The following PTPRD variants were observed in gnomAD, a reference collection of about 807,000 sequenced individuals.
The protein encoded by PTPRD is receptor-type tyrosine-protein phosphatase delta.
PTPRD carries 34 observed loss-of-function variants against 214.5 expected under a neutral mutation model. The ratio of observed to expected loss-of-function variants is 0.16; its 90% confidence interval spans 0.12 to 0.21. The LOEUF (loss-of-function observed/expected upper bound fraction) is 0.21, where lower values mean the gene tolerates loss of function less well. Ranked by LOEUF, PTPRD falls within the 10% of genes least tolerant of loss-of-function variation. PTPRD has a pLI of 1.00. For synonymous variants in PTPRD, 1,128 were observed against 845.7 expected, an observed-to-expected ratio of 1.33 and a Z score of -5.79; for missense variants, 2,545 against 2,398.7, an observed-to-expected ratio of 1.06 and a Z score of -1.27.
chr9:8,683,169 C>T (rs2097584948), intron 12 of PTPRD, among the ~76,000 whole-genome samples: 1 of 152,094 alleles, frequency 6.6e-6, no homozygotes, highest in Non-Finnish European at 1.5e-5. Flanking sequence ...CTTTTGAGTG[C>T]CACACACAAA....
At chr9:9,454,640 G>A (rs2092729308) in intron 8 of PTPRD, among the ~76,000 whole-genome samples, 1 of 151,560 alleles carries the variant, frequency 6.6e-6, no homozygotes, top group Non-Finnish European at 1.5e-5. Context: ...ACCAAGAACA[G>A]CATACTTTAC....
intron 3 of PTPRD, among the ~76,000 whole-genome samples, chr9:10,124,118 G>T (rs2098797444): frequency 6.6e-6 from 1 of 152,160 alleles, no homozygotes; most frequent in Non-Finnish European, 1.5e-5. Flanking sequence ...CATTTACTCA[G>T]TTGAGGAACC....
intron 3 of PTPRD, among the ~76,000 whole-genome samples, chr9:10,125,452 T>G (rs1021995041): frequency 3.1e-5 from 4 of 128,046 alleles, no homozygotes; most frequent in Non-Finnish European, 6.7e-5. Flanking sequence ...TTATTATTAT[T>G]ATTATTATTA....
At chr9:9,013,058 C>T (rs528059743) in intron 11 of PTPRD, among the ~76,000 whole-genome samples, 1 of 152,230 alleles carries the variant, frequency 6.6e-6, no homozygotes, top group African/African-American at 2.4e-5. Context: ...GGGGGGGATG[C>T]AGATAGCACA....
intron 3 of PTPRD, among the ~76,000 whole-genome samples, chr9:10,208,375 G>A (rs10958946): frequency 0.065 from 9,878 of 152,014 alleles, 831 homozygotes; most frequent in East Asian, 0.35. Context: ...TTAGCCGGGC[G>A]TGGTGGCGGG....
chr9:10,095,717 A>G (rs960444196), intron 3 of PTPRD, among the ~76,000 whole-genome samples: 2 of 151,594 alleles, frequency 1.3e-5, no homozygotes, highest in Admixed American at 6.6e-5. Flanking sequence ...AATTAGCCAT[A>G]ATTACTCTTT....
At chr9:9,677,320 G>A (rs189727934) in intron 7 of PTPRD, among the ~76,000 whole-genome samples, 94 of 152,068 alleles carry the variant, frequency 6.2e-4, no homozygotes, top group African/African-American at 2.1e-3. Flanking sequence ...GTGTAAGGAA[G>A]GGATCCAGTT....
chr9:10,299,488 G>C (rs1289013522), intron 3 of PTPRD, among the ~76,000 whole-genome samples: 3 of 152,168 alleles, frequency 2.0e-5, no homozygotes, highest in Non-Finnish European at 2.9e-5. Flanking sequence ...TGGAGACCTT[G>C]AATGTGCAGA....
At chr9:9,364,473 A>G (rs536143099) in intron 9 of PTPRD, among the ~76,000 whole-genome samples, 8 of 151,598 alleles carry the variant, frequency 5.3e-5, no homozygotes, top group African/African-American at 1.9e-4. Context: ...GGAAGGCCAT[A>G]TTAGAAGGTG....
At chr9:8,624,209 T>C (rs545608047) in intron 14 of PTPRD, among the ~76,000 whole-genome samples, 1 of 151,922 alleles carries the variant, frequency 6.6e-6, no homozygotes, top group South Asian at 2.1e-4. Context: ...AGCACAAATG[T>C]AACAGGGGGA....
intron 2 of PTPRD, among the ~76,000 whole-genome samples, chr9:10,491,118 C>T (rs946752564): frequency 6.6e-6 from 1 of 152,112 alleles, no homozygotes; most frequent in Non-Finnish European, 1.5e-5. Flanking sequence ...CCGCTATAAG[C>T]ATATCCAGGA....
At chr9:10,553,475 G>C (rs1590763823) in intron 2 of PTPRD, among the ~76,000 whole-genome samples, 1 of 151,676 alleles carries the variant, frequency 6.6e-6, no homozygotes, top group African/African-American at 2.4e-5. Flanking sequence ...GCTATAACTT[G>C]TTTGTTATGT....
At position 8,526,608 on chromosome 9, in the gene PTPRD, G is replaced by C. The variant is rs745460597; in HGVS notation, c.568+19C>G. ...GAATGAGTAAGATCATTCTGTGAAC[G>C]TTAGTTCAGCACTCTTACCTCTTAT... is the stretch of plus-strand genomic sequence containing the variant. On this transcript the variant is annotated intron_variant, in intron 17 of 45. Coordinates refer to ENST00000381196, the MANE Select transcript of PTPRD (RefSeq NM_002839.4). The C allele has an allele frequency of 1.3e-6, 2 of 1,568,788 alleles. No individual in the cohort carries two copies. The highest frequency in any genetic ancestry group is 1.8e-5 in the Admixed American group (1 of 54,726).
intron 3 of PTPRD, among the ~76,000 whole-genome samples, chr9:10,332,020 T>C (rs7851832): frequency 0.016 from 2,467 of 151,932 alleles, 53 homozygotes; most frequent in African/African-American, 0.056. Context: ...CAATAAGACA[T>C]GCAAACAGAA....
intron 11 of PTPRD, among the ~76,000 whole-genome samples, chr9:8,737,051 T>C (rs2090613923): frequency 1.3e-5 from 2 of 152,132 alleles, no homozygotes; most frequent in Admixed American, 1.3e-4. Flanking sequence ...ACATAATGAC[T>C]CCGTGTGATC....
chr9:9,118,464 A>G (rs2099814428), intron 10 of PTPRD, among the ~76,000 whole-genome samples: 2 of 152,164 alleles, frequency 1.3e-5, no homozygotes, highest in Non-Finnish European at 2.9e-5. Context: ...CTTTTTAGTC[A>G]CACACTGGCT....
At chr9:9,685,993 C>T (rs974744285) in intron 7 of PTPRD, among the ~76,000 whole-genome samples, 2 of 151,222 alleles carry the variant, frequency 1.3e-5, no homozygotes, top group East Asian at 1.9e-4. Context: ...AAAAAATCTT[C>T]CTGACAATCT....
rs532054163 is a variant in PTPRD, at chr9:9,412,142, C to CT, written c.-236-14661dup. Among the ~76,000 whole-genome samples the CT allele has an allele frequency of 2.0e-5, 3 of 152,092 alleles. No individual in the cohort carries two copies. In the South Asian group the frequency reaches 6.2e-4, roughly 32 times the overall value. On this transcript the variant is annotated intron_variant, in intron 8 of 45. Coordinates refer to ENST00000381196, the MANE Select transcript of PTPRD (RefSeq NM_002839.4). ...CCAAATCATATATAGCACTTTTTTT[C>CT]TTTTCTTTTCTTTTTTTGGCCAGAA...
At chr9:9,881,910 A>G (rs1330695330) in intron 5 of PTPRD, among the ~76,000 whole-genome samples, 1 of 152,100 alleles carries the variant, frequency 6.6e-6, no homozygotes, top group Non-Finnish European at 1.5e-5. Flanking sequence ...GAGAAATGTG[A>G]AAGACCATAG....
Sources: gnomAD v4.1 joint callset for allele counts (sites outside exome capture counted in the v4.1 genomes callset) on GRCh38, gnomAD v4.1.1 for gene constraint, MANE v1.5 for transcripts, NCBI Gene and HGNC (gene_info 2026-07-23, HGNC 2026-07-21) for gene names.